The following TJP1 variants were observed in gnomAD, a reference collection of about 807,000 sequenced individuals.
TJP1 encodes tight junction protein 1, also known as tight junction protein ZO-1.
In TJP1, 43 loss-of-function variants were observed where a neutral mutation model predicts 194.2. The observed-to-expected ratio is 0.22, with a 90% confidence interval of 0.17 to 0.29. The LOEUF is 0.29. Ranked by LOEUF, TJP1 falls within the 10% of genes least tolerant of loss-of-function variation. The pLI is 1.00. For missense variants in TJP1, 1,971 were observed against 2,185.7 expected (o/e 0.90, Z 1.96); for synonymous variants, 801 against 779.0 (o/e 1.03, Z -0.47).
At chr15:29,764,558 G>C (rs2046212971) in intron 5 of TJP1, among the ~76,000 whole-genome samples, 2 of 152,150 alleles carry the variant, frequency 1.3e-5, no homozygotes, top group Admixed American at 1.3e-4. Flanking sequence ...CAGTGGCTTG[G>C]AAAAGGGTGG....
At chr15:29,719,263 T>C in intron 20 of TJP1, 125 bp from the exon 21 acceptor site, 2 of 1,185,046 alleles carry the variant, frequency 1.7e-6, no homozygotes, top group African/African-American at 1.5e-5. Flanking sequence ...CCATTTATTA[T>C]CAGGATAGAC....
In TJP1 at chr15:29,796,340, TA is replaced by T. The variant is rs535486616; in HGVS notation, c.84+4305del. On this transcript the variant is annotated intron_variant, in intron 2 of 27. Coordinates refer to ENST00000614355, the MANE Select transcript of TJP1 (RefSeq NM_001330239.4). ...TAATTTTAAGACTGCAAGGTTGCTATAAAAAAAAAAACAAAAAAAAACCTGC... is the reference window on the plus strand; with the variant it reads ...TAATTTTAAGACTGCAAGGTTGCTATAAAAAAAAAACAAAAAAAAACCTGC... Among the ~76,000 whole-genome samples the T allele has an allele frequency of 1.3e-3, 105 of 83,120 alleles. 1 individual carries two copies. The highest frequency in any genetic ancestry group is 4.0e-3 in the African/African-American group (83 of 20,628). The allele number at this position is 83,120 out of a possible 152,430, so 54.5% of individuals were successfully genotyped here. A position where few individuals can be genotyped will look rare whatever the true frequency, so the allele number is the denominator to read the frequency against.
rs774514584 is a variant in TJP1, at chr15:29,708,738, A to C, written c.4671T>G (p.Thr1557=). The C allele has an allele frequency of 2.5e-6, 4 of 1,614,256 alleles. No homozygotes were observed. In the South Asian group the frequency reaches 4.4e-5, roughly 18 times the overall value. ...KFNHNLLPSE[T]AHKPDLSSKT... ...TTGAAGACAAGTCAGGTTTATGTGC[A>C]GTTTCACTTGGCAGAAGATTGTGAT... The change falls in exon 25 of 28, where the codon ACT becomes ACG. Residue 1557 remains threonine (T), a synonymous_variant. Coordinates refer to ENST00000614355, the MANE Select transcript of TJP1 (RefSeq NM_001330239.4).
intron 2 of TJP1, among the ~76,000 whole-genome samples, chr15:29,939,815 T>C (rs1292159794): frequency 6.6e-6 from 1 of 152,178 alleles, no homozygotes; most frequent in African/African-American, 2.4e-5. Context: ...CTCAATGAGA[T>C]GATGTCTGTC....
intron 10 of TJP1, chr15:29,741,078 T>C: frequency 3.9e-6 from 1 of 258,560 alleles, no homozygotes; most frequent in Non-Finnish European, 7.2e-6. Context: ...TTTTTTTTTT[T>C]TCTAATTCCT....
chr15:29,920,056 C>T (rs1596258253), intron 2 of TJP1, among the ~76,000 whole-genome samples: 1 of 152,140 alleles, frequency 6.6e-6, no homozygotes, highest in East Asian at 1.9e-4. Flanking sequence ...TGCATTTTCA[C>T]AAGCAAGAGA....
At chr15:29,821,525 G>C (rs1463890714) in intron 1 of TJP1, 1 of 152,204 alleles carries the variant, frequency 6.6e-6, no homozygotes, top group African/African-American at 2.4e-5. Context: ...CATACCGCAG[G>C]GAGTGACATC....
chr15:29,773,678 C>A (rs2151649283), intron 2 of TJP1, among the ~76,000 whole-genome samples: 1 of 152,326 alleles, frequency 6.6e-6, no homozygotes, highest in East Asian at 1.9e-4. Flanking sequence ...ACTGGCAGAG[C>A]CCAGTGTGAT....
chr15:29,700,732 A>AG lies in TJP1; in HGVS notation c.*862_*863insC, dbSNP rs1056782427. On this transcript the variant is annotated 3_prime_UTR_variant, in exon 28 of 28. Coordinates refer to ENST00000614355, the MANE Select transcript of TJP1 (RefSeq NM_001330239.4). ...CCACTGCCCCTTGTCAAAAAAAAAA[A>AG]AAAAGAAAAGAAAAGAAAAGAAAAA... 3.8e-5 allele frequency: 11 copies of AG among 290,000 alleles called. No homozygotes were observed. The highest frequency in any genetic ancestry group is 1.6e-4 in the South Asian group (1 of 6,082). The allele number at this position is 290,000 out of a possible 1,614,324, so 18.0% of individuals were successfully genotyped here.
At chr15:29,861,199 C>A (rs1453620949) in intron 2 of TJP1, among the ~76,000 whole-genome samples, 1 of 152,098 alleles carries the variant, frequency 6.6e-6, no homozygotes, top group Non-Finnish European at 1.5e-5. Context: ...TTAACATAGA[C>A]CTGCAAACTG....
intron 2 of TJP1, 68 bp downstream of exon 2, chr15:29,800,578 C>G (rs1672665051): frequency 1.3e-6 from 2 of 1,519,848 alleles, no homozygotes; most frequent in South Asian, 2.4e-5. Flanking sequence ...TCTGGCTTTC[C>G]TCTATTGTTT....
In TJP1 at chr15:29,937,564, A is replaced by G. The variant is rs184930451; in HGVS notation, c.306+18668T>C. ...CACACAGAATACTTAACAGCTTTAA[A>G]AAGCAGTTATGAAATGCCCATTTGA... On this transcript the variant is annotated intron_variant, in intron 2 of 28. Transcript: ENST00000356107. 2.0e-4 allele frequency among the ~76,000 whole-genome samples: 31 copies of G among 152,336 alleles called. No individual in the cohort carries two copies. The East Asian group carries it at 6.0e-3, about 29-fold the overall frequency.
At chr15:29,918,900 G>T (rs1014510722) in intron 2 of TJP1, among the ~76,000 whole-genome samples, 3 of 152,122 alleles carry the variant, frequency 2.0e-5, no homozygotes, top group African/African-American at 7.2e-5. Flanking sequence ...CTAGAGAGAA[G>T]AAAGGTGTTT....
intron 24 of TJP1, among the ~76,000 whole-genome samples, chr15:29,710,063 C>T (rs958634701): frequency 1.3e-5 from 2 of 151,934 alleles, no homozygotes; most frequent in Non-Finnish European, 2.9e-5. Context: ...GGAGAATCAC[C>T]TGAACCCGAG....
At chr15:29,846,745 G>A (rs551790960) in intron 2 of TJP1, among the ~76,000 whole-genome samples, 63 of 152,168 alleles carry the variant, frequency 4.1e-4, no homozygotes, top group African/African-American at 1.3e-3. Context: ...CTGACATGGT[G>A]CAACCCCATC....
chr15:29,781,041 C>T (rs184866967), intron 2 of TJP1, among the ~76,000 whole-genome samples: 108 of 151,806 alleles, frequency 7.1e-4, no homozygotes, highest in African/African-American at 2.4e-3. Context: ...AAAAGACCAA[C>T]GAATTCAGGA....
chr15:29,701,483 A>T lies in TJP1; in HGVS notation c.*112T>A. The T allele has an allele frequency of 1.2e-6, 1 of 827,534 alleles. No homozygotes were observed. The highest frequency in any genetic ancestry group is 1.9e-6 in the Non-Finnish European group (1 of 523,984). The allele number at this position is 827,534 out of a possible 1,614,324, so 51.3% of individuals were successfully genotyped here. A position where few individuals can be genotyped will look rare whatever the true frequency, so the allele number is the denominator to read the frequency against. On this transcript the variant is annotated 3_prime_UTR_variant, in exon 28 of 28. Coordinates refer to ENST00000614355, the MANE Select transcript of TJP1 (RefSeq NM_001330239.4). ...TTATCAGTTCAAACAAATGCCTCAT[A>T]CTAACAAACTGTAGTATCAACTCTA...
At chr15:29,797,214 T>C (rs901569717) in intron 2 of TJP1, among the ~76,000 whole-genome samples, 10 of 152,202 alleles carry the variant, frequency 6.6e-5, no homozygotes, top group African/African-American at 1.9e-4. Flanking sequence ...AGTGGCACGA[T>C]GTCAGGGTCA....
At chr15:29,908,248 C>A (rs995735377) in intron 2 of TJP1, among the ~76,000 whole-genome samples, 7 of 152,034 alleles carry the variant, frequency 4.6e-5, no homozygotes, top group Non-Finnish European at 1.0e-4. Flanking sequence ...ATTCCATGGA[C>A]ATCAGAACAC....
Sources: gnomAD v4.1 joint callset for allele counts (sites outside exome capture counted in the v4.1 genomes callset) on GRCh38, gnomAD v4.1.1 for gene constraint, MANE v1.5 for transcripts, NCBI Gene and HGNC (gene_info 2026-07-23, HGNC 2026-07-21) for gene names.